Variants in STXBP5L observed in about 807,000 individuals in gnomAD.
The protein encoded by STXBP5L is syntaxin-binding protein 5-like.
A neutral mutation model predicts 144.5 loss-of-function variants in STXBP5L; 65 were observed. The ratio of observed to expected loss-of-function variants is 0.45; its 90% CI spans 0.37 to 0.55. The LOEUF is 0.55. Among genes scored for constraint, STXBP5L ranks in the 20% least tolerant of loss-of-function variants. The pLI is 0.00. For synonymous variants in STXBP5L, 505 were observed against 469.6 expected (o/e 1.08, Z -0.97); for missense variants, 1,298 against 1,405.5 (o/e 0.92, Z 1.22).
intron 2 of STXBP5L, among the ~76,000 whole-genome samples, chr3:120,949,372 T>A (rs1270993886): frequency 6.6e-6 from 1 of 152,134 alleles, no homozygotes; most frequent in Non-Finnish European, 1.5e-5. Context: ...GGTTGTCTGT[T>A]TACTCTGCTG....
In STXBP5L at chr3:121,367,595, GTTTTTTTTTT is replaced by G. The variant is rs57288480; in HGVS notation, c.2177-11103_2177-11094del. Reference sequence around the variant, plus strand: ...GGTTCTCTCTTTGTCTTCGACTCTTGTTTTTTTTTTTTTTTTTTTTTTTTTTTAAACAGGT... The same window carrying G: ...GGTTCTCTCTTTGTCTTCGACTCTTGTTTTTTTTTTTTTTTTTAAACAGGT... On this transcript the variant is annotated intron_variant, in intron 20 of 26. Coordinates refer to ENST00000471454, the MANE Select transcript of STXBP5L (RefSeq NM_001308330.2). Among the ~76,000 whole-genome samples the G allele has an allele frequency of 1.6e-3, 84 of 51,360 alleles. 1 individual carries two copies. Among genetic ancestry groups the G allele is most frequent in the African/African-American group, 5.9e-3 (76 of 12,802 alleles). 33.7% of individuals were successfully genotyped at this position (51,360 alleles called of 152,430 possible).
chr3:121,252,294 AGG>A (rs2050052101), intron 15 of STXBP5L, among the ~76,000 whole-genome samples: 1 of 151,234 alleles, frequency 6.6e-6, no homozygotes, highest in East Asian at 1.9e-4. Flanking sequence ...GGAATCTGGG[AGG>A]CAGAGGTTGC....
intron 2 of STXBP5L, among the ~76,000 whole-genome samples, chr3:120,952,031 C>T (rs1169134404): frequency 1.3e-5 from 2 of 151,482 alleles, no homozygotes; most frequent in African/African-American, 2.4e-5. Flanking sequence ...TGGAAATCAT[C>T]ATTCTCAGTA....
chr3:121,268,489 G>C (rs1483022381), intron 18 of STXBP5L, among the ~76,000 whole-genome samples: 2 of 151,986 alleles, frequency 1.3e-5, no homozygotes. Flanking sequence ...AACCCCCATG[G>C]CACATGTATA....
chr3:121,157,745 C>A, intron 9 of STXBP5L, 118 bp downstream of exon 9: 1 of 1,348,476 alleles, frequency 7.4e-7, no homozygotes, highest in Non-Finnish European at 9.9e-7. Context: ...GCTTCTGGTT[C>A]TAAACATCCC....
chr3:121,054,301 T>C (rs1285223378), intron 5 of STXBP5L, among the ~76,000 whole-genome samples: 2 of 152,126 alleles, frequency 1.3e-5, no homozygotes, highest in African/African-American at 4.8e-5. Flanking sequence ...CGAATGTTTA[T>C]TGTGGCACTA....
At chr3:120,990,431 T>A (rs1576590044) in intron 3 of STXBP5L, among the ~76,000 whole-genome samples, 1 of 152,172 alleles carries the variant, frequency 6.6e-6, no homozygotes, top group East Asian at 1.9e-4. Flanking sequence ...TACCAATGAC[T>A]TTCTTCACAG....
intron 10 of STXBP5L, among the ~76,000 whole-genome samples, chr3:121,218,521 A>G (rs961016971): frequency 6.6e-6 from 1 of 151,756 alleles, no homozygotes; most frequent in African/African-American, 2.4e-5. Flanking sequence ...AGTGATTTCC[A>G]TACAACATGG....
intron 3 of STXBP5L, among the ~76,000 whole-genome samples, chr3:120,989,583 G>T (rs536348898): frequency 9.2e-5 from 14 of 151,944 alleles, no homozygotes; most frequent in Admixed American, 9.2e-4. Flanking sequence ...ATTCTGTCTG[G>T]TAGTTCTATA....
intron 9 of STXBP5L, among the ~76,000 whole-genome samples, chr3:121,197,676 C>A (rs1224879413): frequency 1.3e-5 from 2 of 151,936 alleles, no homozygotes; most frequent in Non-Finnish European, 2.9e-5. Context: ...CACAGCATGC[C>A]CCAGTATTTG....
At chr3:121,274,264 C>T (rs545607957) in intron 18 of STXBP5L, among the ~76,000 whole-genome samples, 35 of 152,184 alleles carry the variant, frequency 2.3e-4, no homozygotes, top group Admixed American at 2.0e-3. Context: ...AGGGCACCAG[C>T]TGGATGGGGT....
chr3:120,910,667 T>A (rs1025436454), intron 2 of STXBP5L, among the ~76,000 whole-genome samples: 3 of 152,162 alleles, frequency 2.0e-5, no homozygotes, highest in Non-Finnish European at 4.4e-5. Context: ...TAACAATTTT[T>A]AAAAATACTT....
intron 5 of STXBP5L, among the ~76,000 whole-genome samples, chr3:121,058,011 T>C (rs748042188): frequency 6.6e-6 from 1 of 152,158 alleles, no homozygotes; most frequent in Non-Finnish European, 1.5e-5. Flanking sequence ...AGTTTTGGGA[T>C]ACATGTGCAG....
chr3:120,945,611 C>G (rs1615325), intron 2 of STXBP5L, among the ~76,000 whole-genome samples: 32,242 of 151,262 alleles, frequency 0.21, 3,613 homozygotes, highest in Non-Finnish European at 0.26. Flanking sequence ...TTTTTTTAAC[C>G]TGAGATGCAT....
At chr3:121,290,048 A>G (rs1019266331) in intron 19 of STXBP5L, among the ~76,000 whole-genome samples, 2 of 152,138 alleles carry the variant, frequency 1.3e-5, no homozygotes, top group African/African-American at 4.8e-5. Flanking sequence ...AAGAAAGAAC[A>G]AAGATCAGAG....
Position 120,909,659 on chromosome 3 carries a change from CAGT to C in STXBP5L, c.82_84del (p.Ser28del). On this transcript the variant is annotated inframe_deletion, in exon 2 of 27. Transcript: ENST00000471454. ...GCAGTGGTAGCAGCAGTGGCAGTAA[CAGT>C]GGTGGTGGGGCTGGAAGTGGTTCCG... The C allele has an allele frequency of 6.2e-7, 1 of 1,613,698 alleles. No homozygotes were observed. Among genetic ancestry groups the C allele is most frequent in the Non-Finnish European group, 8.5e-7 (1 of 1,179,862 alleles).
intron 10 of STXBP5L, among the ~76,000 whole-genome samples, chr3:121,221,521 C>T (rs143915079): frequency 4.6e-5 from 7 of 151,494 alleles, no homozygotes; most frequent in Admixed American, 2.0e-4. Context: ...TCTCTTAAGT[C>T]GTGGCCTTTT....
intron 18 of STXBP5L, among the ~76,000 whole-genome samples, chr3:121,271,100 G>A (rs2050721756): frequency 1.3e-5 from 2 of 152,072 alleles, no homozygotes. Context: ...ATTACATTTA[G>A]CATCCATTGG....
chr3:121,092,115 G>T (rs535102228), intron 5 of STXBP5L, among the ~76,000 whole-genome samples: 45 of 152,020 alleles, frequency 3.0e-4, no homozygotes, highest in Non-Finnish European at 5.4e-4. Context: ...TGAGGGCTCT[G>T]TTCTATTGGT....
Sources: allele counts gnomAD v4.1 joint callset (sites outside exome capture counted in the v4.1 genomes callset), GRCh38; gene constraint gnomAD v4.1.1; transcripts MANE v1.5; gene names NCBI Gene and HGNC (gene_info 2026-07-23, HGNC 2026-07-21).